ARHGAP25: variants seen among roughly 807,000 people sequenced by gnomAD.
ARHGAP25 encodes the protein Rho GTPase activating protein 25.
ARHGAP25 carries 34 observed loss-of-function variants against 71.0 expected under a neutral mutation model. That is an observed-to-expected ratio of 0.48 (90% CI 0.36 to 0.64). The LOEUF (loss-of-function observed/expected upper bound fraction) is 0.64, where lower values mean the gene tolerates loss of function less well. Ranked by LOEUF, ARHGAP25 falls within the 30% of genes least tolerant of loss-of-function variation. The probability of loss-of-function intolerance (pLI) is 0.00; values close to 1 mark genes in which losing one functional copy is unlikely to be tolerated. For missense variants in ARHGAP25, 706 were observed against 805.1 expected (o/e 0.88, Z 1.49); for synonymous variants, 282 against 296.5 (o/e 0.95, Z 0.50).
At chr2:68,809,853 A>G (rs1359342431) in intron 5 of ARHGAP25, among the ~76,000 whole-genome samples, 5 of 152,232 alleles carry the variant, frequency 3.3e-5, no homozygotes, top group Non-Finnish European at 7.3e-5. Flanking sequence ...TGGTGAGACT[A>G]GTGCAGGTCT....
chr2:68,773,607 G>T (rs148063695), intron 1 of ARHGAP25, among the ~76,000 whole-genome samples: 1 of 152,162 alleles, frequency 6.6e-6, no homozygotes, highest in African/African-American at 2.4e-5. Context: ...ACCATTAGGC[G>T]ATGGACTCAT....
rs114364972 is a variant in ARHGAP25, at chr2:68,789,405, A to C, written c.466+1449A>C. On this transcript the variant is annotated intron_variant, in intron 4 of 10. Transcript: ENST00000409202. ...ATAGAAATTGTATCCAATGATGTTA[A>C]ACAACCAAGAAAGATTTGCTGGTTA... Among the ~76,000 whole-genome samples the C allele has an allele frequency of 6.9e-3, 1,054 of 152,320 alleles. 6 individuals carry two copies. The highest frequency in any genetic ancestry group is 0.012 in the Non-Finnish European group (835 of 68,024).
In ARHGAP25 at chr2:68,735,156, C is replaced by T; in HGVS notation, c.-44C>T. 6.5e-7 allele frequency: 1 copy of T among 1,532,830 alleles called. No homozygotes were observed. The highest frequency in any genetic ancestry group is 1.1e-5 in the South Asian group (1 of 89,448). 95.0% of individuals were successfully genotyped at this position (1,532,830 alleles called of 1,614,324 possible). ...AAGACAAGAAGGGCGCAAACTGTGA[C>T]AGACTCACCGCTTCACTAACTACTC... On this transcript the variant is annotated 5_prime_UTR_variant, in exon 1 of 11. Transcript: ENST00000409202.
intron 9 of ARHGAP25, chr2:68,819,548 C>A: frequency 1.5e-6 from 1 of 682,254 alleles, no homozygotes. Context: ...GCCAATCACC[C>A]AGTGACTGAG....
chr2:68,815,747 C>G (rs1681176712), intron 6 of ARHGAP25, among the ~76,000 whole-genome samples: 1 of 152,072 alleles, frequency 6.6e-6, no homozygotes, highest in Admixed American at 6.6e-5. Flanking sequence ...CCTAGTAGAC[C>G]TTGCCTGACA....
chr2:68,807,563 C>A, intron 5 of ARHGAP25, 83 bp downstream of exon 5: 3 of 1,377,128 alleles, frequency 2.2e-6, no homozygotes, highest in South Asian at 1.2e-5. Flanking sequence ...TCCAGTTGAG[C>A]TATGGGACTT....
chr2:68,754,245 C>T (rs879318022), intron 1 of ARHGAP25, among the ~76,000 whole-genome samples: 2 of 152,174 alleles, frequency 1.3e-5, no homozygotes, highest in Non-Finnish European at 2.9e-5. Flanking sequence ...TCATCTATTT[C>T]TAGTCAGCCC....
chr2:68,747,190 T>A (rs1249910420), intron 1 of ARHGAP25, among the ~76,000 whole-genome samples: 1 of 151,948 alleles, frequency 6.6e-6, no homozygotes, highest in Non-Finnish European at 1.5e-5. Flanking sequence ...TGAAAAAAAA[T>A]TTTTTAGACT....
chr2:68,808,115 C>G (rs945732265), intron 5 of ARHGAP25, among the ~76,000 whole-genome samples: 1 of 152,068 alleles, frequency 6.6e-6, no homozygotes, highest in African/African-American at 2.4e-5. Context: ...TTCCTCCCCA[C>G]CTTCTCCAGC....
At chr2:68,816,832 T>A (rs1168621277) in intron 7 of ARHGAP25, 1 of 153,144 alleles carries the variant, frequency 6.5e-6, no homozygotes, top group East Asian at 1.9e-4. Context: ...CATCCCAGAC[T>A]GACCTGAATT....
chr2:68,729,304 C>T (rs1448255368), intron 2 of ARHGAP25, among the ~76,000 whole-genome samples: 1 of 152,076 alleles, frequency 6.6e-6, no homozygotes, highest in Non-Finnish European at 1.5e-5. Context: ...GAAGAACAAA[C>T]ATGAGAAACT....
At chr2:68,787,295 A>C (rs1678825071) in intron 3 of ARHGAP25, among the ~76,000 whole-genome samples, 1 of 152,242 alleles carries the variant, frequency 6.6e-6, no homozygotes, top group Non-Finnish European at 1.5e-5. Flanking sequence ...CTGAGTATTG[A>C]GAACCTACAT....
intron 2 of ARHGAP25, among the ~76,000 whole-genome samples, chr2:68,777,946 T>C (rs1214653018): frequency 6.6e-6 from 1 of 152,130 alleles, no homozygotes; most frequent in African/African-American, 2.4e-5. Context: ...ATTAGTATAA[T>C]AAATATTATT....
intron 4 of ARHGAP25, among the ~76,000 whole-genome samples, chr2:68,792,533 A>G (rs755207549): frequency 2.6e-5 from 4 of 152,136 alleles, no homozygotes; most frequent in East Asian, 3.8e-4. Flanking sequence ...GCCTTGTTTC[A>G]CTTAAAAATG....
rs1209349513 is a variant in ARHGAP25, at chr2:68,822,708, A to C, written c.1569A>C (p.Gln523His). 6.2e-7 allele frequency: 1 copy of C among 1,614,204 alleles called. No individual in the cohort carries two copies. Reference sequence around the variant, plus strand: ...AGGAAGCCAGTGCACTCTCTTCCCAAGCCTGTGACTCCAAGGGAGATACTC... The same window carrying C: ...AGGAAGCCAGTGCACTCTCTTCCCACGCCTGTGACTCCAAGGGAGATACTC... ...PGEEASALSS[Q>H]ACDSKGDTLA... Residue 523 changes from glutamine (Q) to histidine (H), a missense_variant, in exon 10 of 11, where the codon CAA (glutamine) becomes CAC (histidine). Gln to His is a conservative substitution (Grantham distance 24). Coordinates refer to ENST00000409202, the MANE Select transcript of ARHGAP25 (RefSeq NM_001007231.3).
At chr2:68,750,872 A>G (rs1447972070) in intron 1 of ARHGAP25, among the ~76,000 whole-genome samples, 1 of 152,244 alleles carries the variant, frequency 6.6e-6, no homozygotes, top group African/African-American at 2.4e-5. Context: ...ACTGAAACCA[A>G]AGGTGAAAGC....
chr2:68,716,883 A>T (rs1366844472), intron 2 of ARHGAP25, among the ~76,000 whole-genome samples: 1 of 152,102 alleles, frequency 6.6e-6, no homozygotes, highest in African/African-American at 2.4e-5. Flanking sequence ...TGTAGATTCT[A>T]TCTCTCTTTA....
chr2:68,797,994 C>T (rs1679690179), intron 4 of ARHGAP25, among the ~76,000 whole-genome samples: 1 of 152,136 alleles, frequency 6.6e-6, no homozygotes, highest in Non-Finnish European at 1.5e-5. Flanking sequence ...TTGTTGAACT[C>T]CCAAGTTCTT....
chr2:68,730,137 C>T (rs1674980723), upstream of ARHGAP25, among the ~76,000 whole-genome samples: 1 of 152,034 alleles, frequency 6.6e-6, no homozygotes, highest in African/African-American at 2.4e-5. Context: ...GCATATGCAC[C>T]ATTTAAAAAA....
Sources: allele counts gnomAD v4.1 joint callset (sites outside exome capture counted in the v4.1 genomes callset), GRCh38; gene constraint gnomAD v4.1.1; transcripts MANE v1.5; gene names NCBI Gene and HGNC (gene_info 2026-07-23, HGNC 2026-07-21).